The following KIAA0408 variants were observed in gnomAD, a reference collection of about 807,000 sequenced individuals.
KIAA0408 encodes the protein uncharacterized protein KIAA0408.
KIAA0408 carries 51 observed loss-of-function variants against 60.9 expected under a neutral mutation model. The ratio of observed to expected loss-of-function variants is 0.84; its 90% CI spans 0.67 to 1.06. The LOEUF is 1.06. Ranked by LOEUF, KIAA0408 falls within the 50% of genes least tolerant of loss-of-function variation. The pLI is 0.00. For missense variants in KIAA0408, 787 were observed against 833.9 expected (o/e 0.94, Z 0.69); for synonymous variants, 304 against 282.4 (o/e 1.08, Z -0.77).
At chr6:127,453,413 G>T (rs1402318910) in intron 2 of KIAA0408, among the ~76,000 whole-genome samples, 1 of 151,896 alleles carries the variant, frequency 6.6e-6, no homozygotes, top group Non-Finnish European at 1.5e-5. Flanking sequence ...TATCTAACAT[G>T]TAATTTCCTT....
chr6:127,450,044 A>T lies in KIAA0408; in HGVS notation c.444T>A (p.Pro148=). ...TGTCTTCCTCAGAAGTCCTCAGGTCAGGCCAGGCCTCACATTCCTTTTGGT... is the reference window on the plus strand; with the variant it reads ...TGTCTTCCTCAGAAGTCCTCAGGTCTGGCCAGGCCTCACATTCCTTTTGGT... ...TDNQKECEAW[P]DLRTSEEDSK... is the part of the protein sequence containing the mutation. The change falls in exon 3 of 6, where the codon CCT becomes CCA. Residue 148 remains proline (P), a synonymous_variant. Coordinates refer to ENST00000483725, the MANE Select transcript of KIAA0408 (RefSeq NM_014702.5). 1 of 1,614,122 alleles carries T rather than the reference A, an allele frequency of 6.2e-7. No individual in the cohort carries two copies. Among genetic ancestry groups the T allele is most frequent in the Non-Finnish European group, 8.5e-7 (1 of 1,179,978 alleles).
rs1413355993 is a variant in KIAA0408 at position 127,446,526 on chromosome 6, C to A, written c.1793G>T (p.Gly598Val). 6.2e-7 allele frequency: 1 copy of A among 1,614,164 alleles called. No homozygotes were observed. Among genetic ancestry groups the A allele is most frequent in the Non-Finnish European group, 8.5e-7 (1 of 1,180,024 alleles). ...WTKCNSDVSG[G>V]ATLSQHLEML... is the part of the protein sequence containing the mutation. ...TTCTAAATGCTGACTTAATGTGGCA[C>A]CACCACTGACATCAGAATTACATTT... Residue 598 changes from glycine to valine, a missense_variant, in exon 5 of 6, where the codon GGT (glycine) becomes GTT (valine). Coordinates refer to ENST00000483725, the MANE Select transcript of KIAA0408 (RefSeq NM_014702.5).
rs903497128 is a variant in KIAA0408, at chr6:127,443,730, A to C, written c.*379T>G. 3 of 176,512 alleles carry C rather than the reference A, an allele frequency of 1.7e-5. No individual in the cohort carries two copies. Among genetic ancestry groups the C allele is most frequent in the Admixed American group, 1.1e-4 (2 of 17,766 alleles). The allele number at this position is 176,512 out of a possible 1,614,324, so 10.9% of individuals were successfully genotyped here. Reference sequence around the variant, plus strand: ...ATAGGTATACATGTTATAATTTCAAAGTCAACACTAGCACATAAGTTTTTC... The same window carrying C: ...ATAGGTATACATGTTATAATTTCAACGTCAACACTAGCACATAAGTTTTTC... On this transcript the variant is annotated 3_prime_UTR_variant, in exon 6 of 6. Transcript: ENST00000483725.
chr6:127,447,172 A>G lies in KIAA0408; in HGVS notation c.1147T>C (p.Ser383Pro). The change falls in exon 5 of 6, where the codon TCT becomes CCT. Residue 383 changes from serine to proline, a missense_variant. Physicochemically the swap from Ser to Pro is moderately conservative, Grantham distance 74. Transcript: ENST00000483725. ...TCATATTTTGGATTACTGGGGGTAG[A>G]GCAGGTTTTCTGAAACCACGAAGTA... ...PSTSWFQKTC[S>P]TPSNPKYEMV... is the part of the protein sequence containing the mutation. 1 of 1,612,896 alleles carries G rather than the reference A, an allele frequency of 6.2e-7. No homozygotes were observed. The highest frequency in any genetic ancestry group is 1.1e-5 in the South Asian group (1 of 90,842).
At chr6:127,453,200 G>C (rs1753528805) in intron 2 of KIAA0408, among the ~76,000 whole-genome samples, 1 of 152,062 alleles carries the variant, frequency 6.6e-6, no homozygotes, top group Admixed American at 6.6e-5. Context: ...CAATGCAAAT[G>C]CTTGAAGGAA....
At chr6:127,450,926 A>T (rs1773292015) in intron 2 of KIAA0408, 1 of 156,006 alleles carries the variant, frequency 6.4e-6, no homozygotes, top group South Asian at 1.9e-4. Context: ...TCTCAAAGTG[A>T]TACACATTTT....
In KIAA0408 at chr6:127,444,255, C is replaced by G; in HGVS notation, c.1939G>C (p.Gly647Arg). 6.2e-7 allele frequency: 1 copy of G among 1,602,148 alleles called. No individual in the cohort carries two copies. The highest frequency in any genetic ancestry group is 8.5e-7 in the Non-Finnish European group (1 of 1,174,928). ...EESMSVNASHGKGFSRPARPA... is the reference protein window; with the variant it reads ...EESMSVNASHRKGFSRPARPA... ...CTAGCAGGTCGGGAAAATCCTTTTC[C>G]ATGTGAGGCGTTCACTGACATGGAT... The change falls in exon 6 of 6, where the codon GGA becomes CGA. Residue 647 changes from glycine to arginine, a missense_variant. Physicochemically the swap from Gly to Arg is moderately radical, Grantham distance 125 (BLOSUM62 -2). Around this residue, in one of 3 missense-constraint regions of KIAA0408, gnomAD observed 133 missense variants for 119.2 expected, o/e 1.12. Transcript: ENST00000483725.
At chr6:127,444,914 C>A (rs1773164034) in intron 5 of KIAA0408, among the ~76,000 whole-genome samples, 1 of 151,884 alleles carries the variant, frequency 6.6e-6, no homozygotes, top group Admixed American at 6.6e-5. Context: ...TCTTCTCTTT[C>A]TTTTATTTTC....
At position 127,447,625 on chromosome 6, in the gene KIAA0408, GT is replaced by G. The variant is rs749316838; in HGVS notation, c.693del (p.Lys231AsnfsTer8). On this transcript the variant is annotated frameshift_variant, in exon 5 of 6. Transcript: ENST00000483725. LOFTEE classifies it high-confidence loss of function. The part of the protein sequence containing the change: ...CILPISLEKE[K>X]QKNRKNLSCT... Reference sequence around the variant, plus strand: ...CAGCTCAGATTCTTCCTGTTTTTCTGTTTTTCTTTTTCTAAACTGATTGGAA... The same window carrying G: ...CAGCTCAGATTCTTCCTGTTTTTCTGTTTTCTTTTTCTAAACTGATTGGAA... 7 of 1,612,412 alleles carry G rather than the reference GT, an allele frequency of 4.3e-6. No homozygotes were observed. Among genetic ancestry groups the G allele is most frequent in the Non-Finnish European group, 5.9e-6 (7 of 1,179,554 alleles).
At position 127,439,421 on chromosome 6, in the gene KIAA0408, A is replaced by G. The variant is rs745878667; in HGVS notation, c.*4688T>C. On this transcript the variant is annotated 3_prime_UTR_variant, in exon 6 of 6. Transcript: ENST00000483725. ...ATTTATATAAAATCAGAGCATAGGC[A>G]TTAAAAGTGGAAATATTTTGTTAAA... is the stretch of plus-strand genomic sequence containing the variant. 3 of 152,212 alleles carry G rather than the reference A, an allele frequency of 2.0e-5. No individual in the cohort carries two copies. The highest frequency in any genetic ancestry group is 4.4e-5 in the Non-Finnish European group (3 of 68,038). 9.4% of individuals were successfully genotyped at this position (152,212 alleles called of 1,614,324 possible). A position where few individuals can be genotyped will look rare whatever the true frequency, so the allele number is the denominator to read the frequency against.
chr6:127,444,535 C>T (rs943331499), intron 5 of KIAA0408, among the ~76,000 whole-genome samples: 1 of 152,040 alleles, frequency 6.6e-6, no homozygotes, highest in Non-Finnish European at 1.5e-5. Context: ...CAGTTAATCT[C>T]TCTGTAGAAC....
chr6:127,449,282 G>T (rs1438762995), intron 4 of KIAA0408, among the ~76,000 whole-genome samples: 1 of 152,184 alleles, frequency 6.6e-6, no homozygotes, highest in Admixed American at 6.5e-5. Context: ...ACGAAAAAGA[G>T]TAAAGTATTA....
intron 1 of KIAA0408, among the ~76,000 whole-genome samples, chr6:127,458,398 A>G (rs1158628486): frequency 6.6e-6 from 1 of 152,196 alleles, no homozygotes; most frequent in African/African-American, 2.4e-5. Context: ...TGCTCCAACA[A>G]GGTCAAAGAG....
chr6:127,446,109 G>A (rs1039841188), intron 5 of KIAA0408, among the ~76,000 whole-genome samples: 2 of 152,138 alleles, frequency 1.3e-5, no homozygotes, highest in African/African-American at 4.8e-5. Flanking sequence ...TGTCCATTCT[G>A]AGTATTTTTT....
Position 127,454,027 on chromosome 6 carries a change from G to T in KIAA0408, c.-46C>A, listed in dbSNP as rs763446621. The T allele has an allele frequency of 4.5e-6, 7 of 1,570,258 alleles. No homozygotes were observed. Among genetic ancestry groups the T allele is most frequent in the Non-Finnish European group, 6.0e-6 (7 of 1,158,880 alleles). On this transcript the variant is annotated 5_prime_UTR_variant, in exon 2 of 6. Coordinates refer to ENST00000483725, the MANE Select transcript of KIAA0408 (RefSeq NM_014702.5). ...CAAAGAAGTGTTTCTGCTCTTCTCT[G>T]CCTCCTCTTAACTGTTTCTTGGAAG... is the stretch of plus-strand genomic sequence containing the variant.
intron 1 of KIAA0408, among the ~76,000 whole-genome samples, chr6:127,456,887 A>G (rs2114807963): frequency 6.6e-6 from 1 of 152,140 alleles, no homozygotes; most frequent in East Asian, 1.9e-4. Flanking sequence ...AATGCCTGAA[A>G]AATACTTGGT....
At chr6:127,453,177 C>G (rs1381889542) in intron 2 of KIAA0408, among the ~76,000 whole-genome samples, 1 of 152,028 alleles carries the variant, frequency 6.6e-6, no homozygotes, top group Non-Finnish European at 1.5e-5. Flanking sequence ...GGTGCAAAAG[C>G]TTGAATATAC....
Position 127,446,916 on chromosome 6 carries a change from G to A in KIAA0408, c.1403C>T (p.Ser468Leu). 6.2e-7 allele frequency: 1 copy of A among 1,614,096 alleles called. No homozygotes were observed. The highest frequency in any genetic ancestry group is 8.5e-7 in the Non-Finnish European group (1 of 1,179,980). The change falls in exon 5 of 6, where the codon TCA becomes TTA. Residue 468 changes from serine (S) to leucine (L), a missense_variant. By Grantham distance (145) the Ser-to-Leu change is moderately radical. Transcript: ENST00000483725. The part of the protein sequence containing the change: ...AIQQNHSCSK[S>L]SEDLKPCDTS... ...ATCACAGGGCTTGAGATCCTCCGAT[G>A]ATTTTGAGCAGCTGTGATTTTGCTG...
rs146403375 is a variant in KIAA0408, at chr6:127,446,763, C to T, written c.1556G>A (p.Gly519Asp). 3 of 1,613,874 alleles carry T rather than the reference C, an allele frequency of 1.9e-6. No homozygotes were observed. The East Asian group carries it at 6.7e-5, about 36-fold the overall frequency. Residue 519 changes from glycine to aspartate, a missense_variant, in exon 5 of 6, where the codon GGC becomes GAC. Around this residue, in one of 3 missense-constraint regions of KIAA0408, gnomAD observed 640 missense variants for 681.3 expected, o/e 0.94. Transcript: ENST00000483725. ...PDNPTKKSTT[G>D]LVRQMQGHLS... is the part of the protein sequence containing the mutation. ...GTGTCCCTGCATTTGTCTTACTAGG[C>T]CTGTTGTGGATTTCTTGGTGGGATT...
Sources: gnomAD v4.1 joint callset for allele counts (sites outside exome capture counted in the v4.1 genomes callset) on GRCh38, gnomAD v4.1.1 for gene constraint, gnomAD v4.1.1 regional missense constraint, MANE v1.5 for transcripts, NCBI Gene and HGNC (gene_info 2026-07-23, HGNC 2026-07-21) for gene names.